Variants in NBAS observed in about 807,000 individuals in gnomAD.
NBAS encodes the protein NAG/BC035112 fusion.
In NBAS, 219 loss-of-function variants were observed where a neutral mutation model predicts 302.5. The observed-to-expected ratio is 0.72, with a 90% confidence interval of 0.65 to 0.81. The LOEUF is 0.81. Ranked by LOEUF, NBAS falls within the 30% of genes least tolerant of loss-of-function variation. The pLI is 0.00. For missense variants in NBAS, 2,932 were observed against 2,841.6 expected, an observed-to-expected ratio of 1.03 and a Z score of -0.72; for synonymous variants, 1,118 against 1,021.6, an observed-to-expected ratio of 1.09 and a Z score of -1.80.
intron 18 of NBAS, 126 bp from the exon 19 acceptor site, chr2:15,467,533 G>T: frequency 7.8e-7 from 1 of 1,274,574 alleles, no homozygotes; most frequent in South Asian, 1.2e-5. Flanking sequence ...AAGCACAAGG[G>T]TAAGATAATA....
chr2:15,350,849 T>C (rs996606852), intron 35 of NBAS, among the ~76,000 whole-genome samples: 1 of 152,208 alleles, frequency 6.6e-6, no homozygotes, highest in Non-Finnish European at 1.5e-5. Context: ...ACAATAGCAA[T>C]GTCCTGGATT....
chr2:15,523,041 A>G (rs1010453523), intron 9 of NBAS, among the ~76,000 whole-genome samples: 12 of 152,182 alleles, frequency 7.9e-5, no homozygotes, highest in African/African-American at 2.9e-4. Flanking sequence ...ACAGCTGCAG[A>G]TTCAACCTAT....
chr2:14,800,706 G>C, the NBAS span, among the ~76,000 whole-genome samples: 1 of 150,092 alleles, frequency 6.7e-6, no homozygotes, highest in Non-Finnish European at 1.5e-5. Context: ...CATATGCTTT[G>C]CTTCTACATA....
At chr2:15,142,727 T>C in the NBAS span, among the ~76,000 whole-genome samples, 1 of 152,204 alleles carries the variant, frequency 6.6e-6, no homozygotes, top group Non-Finnish European at 1.5e-5. Flanking sequence ...GCTCTCTGTC[T>C]ATCTCTGCAG....
chr2:15,007,644 G>A, the NBAS span, among the ~76,000 whole-genome samples: 1 of 152,154 alleles, frequency 6.6e-6, no homozygotes, highest in Non-Finnish European at 1.5e-5. Flanking sequence ...TCATCAGATT[G>A]TCATCTGGGA....
chr2:15,384,318 T>G (rs1223365856), intron 28 of NBAS, among the ~76,000 whole-genome samples: 1 of 152,196 alleles, frequency 6.6e-6, no homozygotes, highest in Non-Finnish European at 1.5e-5. Flanking sequence ...TTCTTGACTT[T>G]CACTTTCCTC....
At chr2:15,182,559 C>T (rs1052859154) in intron 50 of NBAS, among the ~76,000 whole-genome samples, 5 of 152,208 alleles carry the variant, frequency 3.3e-5, no homozygotes, top group Admixed American at 6.5e-5. Flanking sequence ...CCCCAAGCAT[C>T]GGTGACTAAC....
intron 47 of NBAS, among the ~76,000 whole-genome samples, chr2:15,222,709 C>T (rs961320032): frequency 2.6e-5 from 4 of 152,178 alleles, no homozygotes; most frequent in Non-Finnish European, 5.9e-5. Context: ...CAAGGTCACA[C>T]AGTAAGTAGT....
the NBAS span, among the ~76,000 whole-genome samples, chr2:14,870,796 T>A: frequency 6.6e-6 from 1 of 151,922 alleles, no homozygotes; most frequent in Non-Finnish European, 1.5e-5. Flanking sequence ...AATCAACCCA[T>A]GGAAGCAACC....
At chr2:15,055,481 G>A in the NBAS span, among the ~76,000 whole-genome samples, 1 of 152,156 alleles carries the variant, frequency 6.6e-6, no homozygotes, top group Non-Finnish European at 1.5e-5. Context: ...GGCTGACCAA[G>A]GTGGACATCT....
the NBAS span, among the ~76,000 whole-genome samples, chr2:15,159,203 T>A: frequency 0.025 from 3,789 of 152,230 alleles, 154 homozygotes; most frequent in African/African-American, 0.083. Context: ...CCACTGAAGG[T>A]GGGAACTCTG....
intron 4 of NBAS, among the ~76,000 whole-genome samples, 188 bp downstream of exon 4, chr2:15,553,872 CT>C (rs1664511848): frequency 2.6e-5 from 1 of 37,920 alleles, no homozygotes; most frequent in Non-Finnish European, 1.3e-4. Flanking sequence ...CCCTCTCTCC[CT>C]CTCTCTCTCC....
intron 46 of NBAS, among the ~76,000 whole-genome samples, chr2:15,232,997 G>C (rs1193535251): frequency 6.6e-6 from 1 of 151,986 alleles, no homozygotes; most frequent in African/African-American, 2.4e-5. Flanking sequence ...CCATTTTACA[G>C]ATGTTATGTG....
rs1287968836 is a variant in NBAS, at chr2:15,468,854, C to T, written c.1726-321G>A. ...TAAATGCCTTTGGTTTGCACCGTGG[C>T]TGTATAATAGAGCAGACAATAAGGC... On this transcript the variant is annotated intron_variant, in intron 16 of 51. Transcript: ENST00000281513. 2.0e-5 allele frequency among the ~76,000 whole-genome samples: 3 copies of T among 152,124 alleles called. No homozygotes were observed. In the East Asian group the frequency reaches 5.8e-4, roughly 29 times the overall value.
intron 9 of NBAS, among the ~76,000 whole-genome samples, chr2:15,521,246 T>C (rs1336737909): frequency 8.5e-5 from 13 of 152,180 alleles, no homozygotes; most frequent in Admixed American, 6.6e-4. Flanking sequence ...TCCCATCTTA[T>C]AGCAACATCT....
the NBAS span, among the ~76,000 whole-genome samples, chr2:14,860,386 C>T: frequency 3.3e-5 from 5 of 152,080 alleles, no homozygotes; most frequent in East Asian, 1.9e-4. Flanking sequence ...TGCATTCTCA[C>T]GCATTGCAGC....
chr2:15,059,447 T>C, the NBAS span, among the ~76,000 whole-genome samples: 620 of 152,276 alleles, frequency 4.1e-3, 5 homozygotes, highest in African/African-American at 0.014. Context: ...CCCATTCTCA[T>C]AGAGCCAACC....
chr2:15,555,538 T>C (rs1290313952), intron 3 of NBAS, among the ~76,000 whole-genome samples: 2 of 152,076 alleles, frequency 1.3e-5, no homozygotes, highest in Admixed American at 1.3e-4. Flanking sequence ...TATTTCATAA[T>C]TAAAAGAACT....
At chr2:15,024,437 T>C in the NBAS span, among the ~76,000 whole-genome samples, 2 of 152,076 alleles carry the variant, frequency 1.3e-5, no homozygotes, top group African/African-American at 2.4e-5. Context: ...TAGGCATGAG[T>C]GTGTCTTTAT....
Sources: allele counts gnomAD v4.1 joint callset (sites outside exome capture counted in the v4.1 genomes callset), GRCh38; gene constraint gnomAD v4.1.1; transcripts MANE v1.5; gene names NCBI Gene and HGNC (gene_info 2026-07-23, HGNC 2026-07-21).